KIF6: variants seen among roughly 807,000 people sequenced by gnomAD.
KIF6 encodes the protein kinesin-like protein KIF6.
KIF6 carries 106 observed loss-of-function variants against 112.7 expected under a neutral mutation model. The observed-to-expected ratio is 0.94, with a 90% CI of 0.80 to 1.11. The LOEUF (loss-of-function observed/expected upper bound fraction) is 1.11. Ranked by LOEUF, KIF6 falls within the 50% of genes least tolerant of loss-of-function variation. The probability of loss-of-function intolerance (pLI) is 0.00; values close to 1 mark genes in which losing one functional copy is unlikely to be tolerated. For synonymous variants in KIF6, 339 were observed against 339.9 expected (o/e 1.00, Z 0.03); for missense variants, 929 against 964.0 (o/e 0.96, Z 0.48).
chr6:39,419,088 C>T (rs1405601590), intron 15 of KIF6, among the ~76,000 whole-genome samples: 1 of 151,982 alleles, frequency 6.6e-6, no homozygotes, highest in Non-Finnish European at 1.5e-5. Context: ...TGTGGTGGCT[C>T]ACCACCTGTA....
chr6:39,543,988 T>G (rs756681128), intron 12 of KIF6, among the ~76,000 whole-genome samples: 1 of 152,234 alleles, frequency 6.6e-6, no homozygotes, highest in African/African-American at 2.4e-5. Flanking sequence ...CTTCCAAATT[T>G]GGGAACATTT....
rs1790162514 is a variant in KIF6, at chr6:39,720,742, C to T, written c.136G>A (p.Asp46Asn). The change falls in exon 2 of 23, where the codon GAT (aspartate) becomes AAT (asparagine). Residue 46 changes from aspartate (D) to asparagine (N), a missense_variant. By Grantham distance (23) the Asp-to-Asn change is conservative (BLOSUM62 1). This residue lies in a region of KIF6 where 688 missense variants were observed against 662.7 expected (regional missense o/e 1.04). Transcript: ENST00000287152. ...LEIILPRDLA[D>N]GFVNNKRESY... ...TCTCGCTTATTATTCACAAACCCAT[C>T]TGCCAAATCACGTGGTAAGATGATT... is the stretch of plus-strand genomic sequence containing the variant. 1 of 1,609,586 alleles carries T rather than the reference C, an allele frequency of 6.2e-7. No individual in the cohort carries two copies. Among genetic ancestry groups the T allele is most frequent in the African/African-American group, 1.3e-5 (1 of 74,860 alleles).
chr6:39,598,256 GA>G (rs1309396073), intron 6 of KIF6, among the ~76,000 whole-genome samples: 1 of 151,964 alleles, frequency 6.6e-6, no homozygotes, highest in Admixed American at 6.6e-5. Flanking sequence ...AGTAAGCAAA[GA>G]ATATGACTAG....
intron 3 of KIF6, among the ~76,000 whole-genome samples, chr6:39,706,791 AAAC>A (rs1789237078): frequency 6.6e-6 from 1 of 152,230 alleles, no homozygotes; most frequent in South Asian, 2.1e-4. Flanking sequence ...CTTGGAAAAA[AAAC>A]AAAATGTCAC....
chr6:39,534,406 A>G (rs1284815798), intron 13 of KIF6, among the ~76,000 whole-genome samples: 1 of 152,126 alleles, frequency 6.6e-6, no homozygotes, highest in South Asian at 2.1e-4. Context: ...CCAGAACTAC[A>G]TGAAGAATGC....
intron 3 of KIF6, among the ~76,000 whole-genome samples, chr6:39,645,087 G>T (rs1327842482): frequency 6.6e-6 from 1 of 152,138 alleles, no homozygotes; most frequent in Non-Finnish European, 1.5e-5. Context: ...GTCCTAATAT[G>T]TAAATAAATC....
chr6:39,684,465 A>C (rs1787726663), intron 3 of KIF6, among the ~76,000 whole-genome samples: 1 of 152,062 alleles, frequency 6.6e-6, no homozygotes, highest in South Asian at 2.1e-4. Flanking sequence ...AAAATACAAA[A>C]TTAGCTGGGC....
At chr6:39,488,700 C>T (rs1319988953) in intron 13 of KIF6, among the ~76,000 whole-genome samples, 1 of 152,186 alleles carries the variant, frequency 6.6e-6, no homozygotes, top group East Asian at 1.9e-4. Context: ...ATTTGTCTAG[C>T]CATGTACATA....
intron 10 of KIF6, 71 bp downstream of exon 10, chr6:39,577,985 T>G: frequency 9.6e-7 from 1 of 1,040,384 alleles, no homozygotes; most frequent in Non-Finnish European, 1.5e-6. Context: ...ATTCATAACA[T>G]TAGGGCCAAC....
intron 13 of KIF6, among the ~76,000 whole-genome samples, chr6:39,467,064 A>G (rs917739008): frequency 1.3e-5 from 2 of 152,206 alleles, no homozygotes; most frequent in African/African-American, 4.8e-5. Flanking sequence ...AACAACAGAG[A>G]GCTTTATAGC....
intron 3 of KIF6, among the ~76,000 whole-genome samples, chr6:39,672,915 G>A (rs1332664792): frequency 6.6e-6 from 1 of 152,120 alleles, no homozygotes; most frequent in Non-Finnish European, 1.5e-5. Flanking sequence ...ATAGCAAGTA[G>A]AAAAGAAATT....
rs531905392 is a variant in KIF6, at chr6:39,337,168, C to CTTTCTTTCTTTCTTTCTTTCT, written c.2429-621_2429-620insAGAAAGAAAGAAAGAAAGAAA. 2.1e-4 allele frequency among the ~76,000 whole-genome samples: 10 copies of CTTTCTTTCTTTCTTTCTTTCT among 48,534 alleles called. 1 individual carries two copies. The East Asian group carries it at 3.2e-3, about 16-fold the overall frequency. 31.8% of individuals were successfully genotyped at this position (48,534 alleles called of 152,430 possible). On this transcript the variant is annotated intron_variant, in intron 22 of 22. Transcript: ENST00000287152. The stretch of plus-strand genomic sequence containing the variant: ...CCTTTCTCTTTCTTTTCTTTCTTTC[C>CTTTCTTTCTTTCTTTCTTTCT]TTCCTTCTTTCTTTCTTTCTTTCTT...
In KIF6 at chr6:39,725,249, T is replaced by C; in HGVS notation, c.62A>G (p.Gln21Arg). 4 of 1,609,132 alleles carry C rather than the reference T, an allele frequency of 2.5e-6. No individual in the cohort carries two copies. Among genetic ancestry groups the C allele is most frequent in the Non-Finnish European group, 3.4e-6 (4 of 1,178,064 alleles). Residue 21 changes from glutamine (Q) to arginine (R), a missense_variant, in exon 1 of 23, where the codon CAA becomes CGA. Around this residue, in one of 2 missense-constraint regions of KIF6, gnomAD observed 688 missense variants for 662.7 expected, o/e 1.04. Transcript: ENST00000287152. ...CCCGGAGGCTCCAGCCCGTACCCCT[T>C]GTTGGTGCTTCCGGACAGGGGGCTT... ...RVKPPVRKHQ[Q>R]GIYSIDEDEK... is the part of the protein sequence containing the mutation.
chr6:39,571,121 T>C (rs1183186413), intron 10 of KIF6, among the ~76,000 whole-genome samples: 2 of 152,198 alleles, frequency 1.3e-5, no homozygotes, highest in Non-Finnish European at 2.9e-5. Context: ...ATCTTTCCTT[T>C]CCCAATTTTT....
At chr6:39,485,229 C>G (rs938636706) in intron 13 of KIF6, among the ~76,000 whole-genome samples, 3 of 152,196 alleles carry the variant, frequency 2.0e-5, no homozygotes, top group African/African-American at 7.2e-5. Context: ...AGAGCCATTT[C>G]ATAGACAGGA....
At chr6:39,418,786 C>T (rs1413297223) in intron 15 of KIF6, among the ~76,000 whole-genome samples, 1 of 152,048 alleles carries the variant, frequency 6.6e-6, no homozygotes, top group Non-Finnish European at 1.5e-5. Context: ...GTTTACCGAC[C>T]GAGACAAACT....
chr6:39,435,564 A>G (rs1265607960), intron 13 of KIF6, among the ~76,000 whole-genome samples: 3 of 151,142 alleles, frequency 2.0e-5, no homozygotes, highest in African/African-American at 7.3e-5. Flanking sequence ...TATCTATTAT[A>G]CCACTCTGTA....
At chr6:39,552,942 T>A (rs1275253953) in intron 10 of KIF6, among the ~76,000 whole-genome samples, 3 of 152,162 alleles carry the variant, frequency 2.0e-5, no homozygotes, top group Non-Finnish European at 4.4e-5. Flanking sequence ...CATGAAAAGC[T>A]GAAGGCTGAG....
At chr6:39,685,796 A>G (rs2113787078) in intron 3 of KIF6, among the ~76,000 whole-genome samples, 1 of 152,362 alleles carries the variant, frequency 6.6e-6, no homozygotes, top group Non-Finnish European at 1.5e-5. Flanking sequence ...GCCAGCAGAC[A>G]GAACTGATGG....
Sources: gnomAD v4.1 joint callset for allele counts (sites outside exome capture counted in the v4.1 genomes callset) on GRCh38, gnomAD v4.1.1 for gene constraint, gnomAD v4.1.1 regional missense constraint, MANE v1.5 for transcripts, NCBI Gene and HGNC (gene_info 2026-07-23, HGNC 2026-07-21) for gene names.